The following PSMD12 variants were observed in gnomAD, a reference collection of about 807,000 sequenced individuals.
PSMD12 encodes 26S proteasome non-ATPase regulatory subunit 12.
In PSMD12, 8 loss-of-function variants were observed where a neutral mutation model predicts 62.9. The observed-to-expected ratio is 0.13, with a 90% CI of 0.07 to 0.23. PSMD12 has a LOEUF of 0.23. Among genes scored for constraint, PSMD12 ranks in the 10% least tolerant of loss-of-function variants. The pLI, the probability that PSMD12 is intolerant of heterozygous loss-of-function variation, is 1.00. For missense variants in PSMD12, 424 were observed against 550.2 expected, an observed-to-expected ratio of 0.77 and a Z score of 2.29; for synonymous variants, 173 against 187.4, an observed-to-expected ratio of 0.92 and a Z score of 0.63.
chr17:67,348,199 A>G (rs997389150), intron 5 of PSMD12, among the ~76,000 whole-genome samples: 1 of 152,206 alleles, frequency 6.6e-6, no homozygotes, highest in African/African-American at 2.4e-5. Context: ...AGAAACTGCC[A>G]AACTGTTTTC....
chr17:67,350,670 AGGCAGT>A (rs2042009012), intron 3 of PSMD12, among the ~76,000 whole-genome samples: 1 of 152,182 alleles, frequency 6.6e-6, no homozygotes, highest in Non-Finnish European at 1.5e-5. Flanking sequence ...AGGAGGAAAA[AGGCAGT>A]GGCAGAGGCA....
chr17:67,364,512 C>T (rs894561969), intron 1 of PSMD12, among the ~76,000 whole-genome samples: 2 of 152,200 alleles, frequency 1.3e-5, no homozygotes, highest in African/African-American at 4.8e-5. Context: ...TAGTGTCTAA[C>T]ACTGACTAGG....
intron 3 of PSMD12, among the ~76,000 whole-genome samples, chr17:67,354,009 T>TA (rs11372259): frequency 0.25 from 37,604 of 152,248 alleles, 4,865 homozygotes; most frequent in Middle Eastern, 0.32. Context: ...ACTTGTGACT[T>TA]ACATACGTTA....
chr17:67,366,354 G>C (rs376373315), intron 1 of PSMD12, 58 bp downstream of exon 1: 1 of 1,510,828 alleles, frequency 6.6e-7, no homozygotes. Context: ...GCCTAAGCAG[G>C]CTCCGCGCCG....
Position 67,340,980 on chromosome 17 carries a change from T to A in PSMD12, c.1234A>T (p.Ile412Phe). Residue 412 changes from isoleucine (I) to phenylalanine (F), a missense_variant, in exon 11 of 11, where the codon ATT (isoleucine) becomes TTT (phenylalanine). By Grantham distance (21) the Ile-to-Phe change is conservative. Transcript: ENST00000356126. ...IFAKVDRLAG[I>F]INFQRPKDPN... ...TCCTTGGGTCTCTGGAAGTTGATAATTCCTGCTAATCTGTCTACTTTAGCA... is the reference window on the plus strand; with the variant it reads ...TCCTTGGGTCTCTGGAAGTTGATAAATCCTGCTAATCTGTCTACTTTAGCA... The A allele has an allele frequency of 6.3e-7, 1 of 1,576,296 alleles. No individual in the cohort carries two copies. Among genetic ancestry groups the A allele is most frequent in the Non-Finnish European group, 8.6e-7 (1 of 1,168,276 alleles).
intron 1 of PSMD12, among the ~76,000 whole-genome samples, chr17:67,357,962 C>G (rs894604726): frequency 6.6e-6 from 1 of 151,552 alleles, no homozygotes; most frequent in Non-Finnish European, 1.5e-5. Flanking sequence ...CACTCTTTCA[C>G]CCAGGCTGAA....
At chr17:67,346,657 T>C (rs2041970392) in intron 7 of PSMD12, among the ~76,000 whole-genome samples, 1 of 152,236 alleles carries the variant, frequency 6.6e-6, no homozygotes, top group African/African-American at 2.4e-5. Flanking sequence ...TTCTATAGTA[T>C]TTAGTTTTCA....
In PSMD12 at chr17:67,360,080, C is replaced by T. The variant is rs546998736; in HGVS notation, c.109-2502G>A. ...AAGCTCTCTCCACTAGAGTGCAGCG[C>T]TTCCCCTACTGTACTAGTTTAAATC... is the stretch of plus-strand genomic sequence containing the variant. On this transcript the variant is annotated intron_variant, in intron 1 of 10. Coordinates refer to ENST00000356126, the MANE Select transcript of PSMD12 (RefSeq NM_002816.5). 1.2e-3 allele frequency among the ~76,000 whole-genome samples: 183 copies of T among 151,636 alleles called. 3 individuals carry two copies. In the South Asian group the frequency reaches 0.027, roughly 23 times the overall value.
chr17:67,345,051 A>C (rs1598556576), intron 8 of PSMD12, among the ~76,000 whole-genome samples: 1 of 152,348 alleles, frequency 6.6e-6, no homozygotes, highest in Admixed American at 6.5e-5. Context: ...CATGAAACAA[A>C]CAGAAATAAG....
intron 3 of PSMD12, among the ~76,000 whole-genome samples, chr17:67,352,773 C>T (rs2042029988): frequency 6.6e-6 from 1 of 152,152 alleles, no homozygotes. Flanking sequence ...CTCAAATCAC[C>T]CTTCGGTCCA....
rs1336940092 is a variant in PSMD12 at position 67,338,957 on chromosome 17, G to A, written c.*1886C>T. 3 of 152,164 alleles carry A rather than the reference G, an allele frequency of 2.0e-5. No individual in the cohort carries two copies. The highest frequency in any genetic ancestry group is 7.2e-5 in the African/African-American group (3 of 41,430). The allele number at this position is 152,164 out of a possible 1,614,324, so 9.4% of individuals were successfully genotyped here. On this transcript the variant is annotated 3_prime_UTR_variant, in exon 11 of 11. Coordinates refer to ENST00000356126, the MANE Select transcript of PSMD12 (RefSeq NM_002816.5). ...CAAGCCCACAGGTAATGAGTCTCTAGAAAGATGAAGTTATTGAGAAGCTAG... is the reference window on the plus strand; with the variant it reads ...CAAGCCCACAGGTAATGAGTCTCTAAAAAGATGAAGTTATTGAGAAGCTAG...
At chr17:67,361,545 G>A (rs1598579241) in intron 1 of PSMD12, among the ~76,000 whole-genome samples, 2 of 152,106 alleles carry the variant, frequency 1.3e-5, no homozygotes, top group East Asian at 3.9e-4. Context: ...TCATGCCTCT[G>A]CACTCCAGCC....
At position 67,345,787 on chromosome 17, in the gene PSMD12, C is replaced by T. The variant is rs762866817; in HGVS notation, c.866G>A (p.Arg289Gln). ...FDNEQSDLVH[R>Q]ISGDKKLEEI... ...TTCTAACTTCTTGTCACCACTTATT[C>T]GGTGAACCAAATCTGACTGTTCATT... is the stretch of plus-strand genomic sequence containing the variant. Residue 289 changes from arginine (R) to glutamine (Q), a missense_variant, in exon 8 of 11, where the codon CGA (arginine) becomes CAA (glutamine). Arg to Gln is a conservative substitution (Grantham distance 43, BLOSUM62 1). Transcript: ENST00000356126. The T allele has an allele frequency of 2.0e-5, 32 of 1,613,344 alleles. No individual in the cohort carries two copies. The highest frequency in any genetic ancestry group is 9.9e-5 in the South Asian group (9 of 91,058).
intron 7 of PSMD12, among the ~76,000 whole-genome samples, 181 bp from the exon 8 acceptor site, chr17:67,346,038 T>G (rs952367904): frequency 6.6e-6 from 1 of 151,772 alleles, no homozygotes; most frequent in African/African-American, 2.4e-5. Context: ...TCTCCTGAGG[T>G]CAGATCGAGG....
intron 1 of PSMD12, among the ~76,000 whole-genome samples, chr17:67,358,887 C>A (rs1007680449): frequency 1.3e-5 from 2 of 152,196 alleles, no homozygotes; most frequent in Non-Finnish European, 2.9e-5. Flanking sequence ...AACCTCTCCA[C>A]ATCTCTAACT....
intron 1 of PSMD12, among the ~76,000 whole-genome samples, chr17:67,365,184 C>CAA (rs891969142): frequency 1.5e-4 from 8 of 54,186 alleles, no homozygotes; most frequent in Non-Finnish European, 2.6e-4. Flanking sequence ...AACTCCGTCT[C>CAA]AAAAAAAAAA....
At chr17:67,341,632 C>A (rs1018355645) in intron 10 of PSMD12, among the ~76,000 whole-genome samples, 4 of 152,126 alleles carry the variant, frequency 2.6e-5, no homozygotes, top group African/African-American at 2.4e-5. Flanking sequence ...GGTATCCATG[C>A]CAACGGCAAG....
intron 3 of PSMD12, among the ~76,000 whole-genome samples, chr17:67,355,969 TACACACACAC>T (rs59875246): frequency 9.7e-4 from 142 of 145,842 alleles, no homozygotes; most frequent in Middle Eastern, 7.0e-3. Flanking sequence ...CCCCCATTTC[TACACACACAC>T]ACACACACAC....
chr17:67,366,550 C>A lies in PSMD12; in HGVS notation c.-31G>T, dbSNP rs1490475949. On this transcript the variant is annotated 5_prime_UTR_variant, in exon 1 of 11. Coordinates refer to ENST00000356126, the MANE Select transcript of PSMD12 (RefSeq NM_002816.5). ...CCGCCTGAGCGTCCCTTGCTGTCCC[C>A]CTGCTTCGGCCACCACTCGTCACCC... 1 of 1,567,308 alleles carries A rather than the reference C, an allele frequency of 6.4e-7. No individual in the cohort carries two copies. The highest frequency in any genetic ancestry group is 8.6e-7 in the Non-Finnish European group (1 of 1,156,510).
Sources: allele counts gnomAD v4.1 joint callset (sites outside exome capture counted in the v4.1 genomes callset), GRCh38; gene constraint gnomAD v4.1.1; transcripts MANE v1.5; gene names NCBI Gene and HGNC (gene_info 2026-07-23, HGNC 2026-07-21).